Variants in STN1 observed in about 807,000 individuals in gnomAD.
STN1 encodes STN1 subunit of CST complex, also known as CST complex subunit STN1.
STN1 carries 29 observed loss-of-function variants against 45.5 expected under a neutral mutation model. That is an observed-to-expected ratio of 0.64 (90% CI 0.47 to 0.87). The LOEUF (loss-of-function observed/expected upper bound fraction) is 0.87. Ranked by LOEUF, STN1 falls within the 40% of genes least tolerant of loss-of-function variation. The probability of loss-of-function intolerance (pLI) is 0.00; values close to 1 mark genes in which losing one functional copy is unlikely to be tolerated. For synonymous variants in STN1, 148 were observed against 159.0 expected (o/e 0.93, Z 0.52); for missense variants, 376 against 441.4 (o/e 0.85, Z 1.33).
At chr10:103,903,475 G>A (rs912452307) in intron 4 of STN1, among the ~76,000 whole-genome samples, 2 of 152,186 alleles carry the variant, frequency 1.3e-5, no homozygotes, top group Non-Finnish European at 2.9e-5. Context: ...AGAAGATGGG[G>A]TCTAATGGGA....
At chr10:103,908,115 C>A (rs948380940) in intron 3 of STN1, among the ~76,000 whole-genome samples, 1 of 139,088 alleles carries the variant, frequency 7.2e-6, no homozygotes, top group East Asian at 2.0e-4. Flanking sequence ...GGCCACAGAG[C>A]GAGACTCCAT....
At position 103,917,662 on chromosome 10, in the gene STN1, T is replaced by C. The variant is rs957750897; in HGVS notation, c.-62-6A>G. On this transcript the variant is annotated splice_region_variant and splice_polypyrimidine_tract_variant and intron_variant, in intron 1 of 9. Coordinates refer to ENST00000224950, the MANE Select transcript of STN1 (RefSeq NM_024928.5). ...TGCATCACTGAGTCAAGCATCTAGA[T>C]GGGACACAGAAATGAGGATGCAATG... The C allele has an allele frequency of 1.9e-6, 3 of 1,553,522 alleles. No homozygotes were observed. The highest frequency in any genetic ancestry group is 1.8e-5 in the Admixed American group (1 of 54,636).
At chr10:103,886,651 A>G (rs1843105425) in intron 9 of STN1, among the ~76,000 whole-genome samples, 2 of 152,138 alleles carry the variant, frequency 1.3e-5, no homozygotes, top group African/African-American at 4.8e-5. Flanking sequence ...CAGGCTAGAG[A>G]ATTAGGGGTT....
Position 103,889,163 on chromosome 10 carries a change from TGA to T in STN1, c.877-21_877-20del, listed in dbSNP as rs752876716. 1.6e-5 allele frequency: 25 copies of T among 1,553,766 alleles called. No individual in the cohort carries two copies. Among genetic ancestry groups the T allele is most frequent in the Middle Eastern group, 1.7e-4 (1 of 5,942 alleles). On this transcript the variant is annotated intron_variant, in intron 8 of 9. Transcript: ENST00000224950. ...TGGTTACCTAAATAGGAAAAATAGT[TGA>T]GAGAGAGAGTGTTCTTAGGTAACAC...
rs5787502 is a variant in STN1, at chr10:103,917,258, T to TAA, written c.133+202_133+203dup. Among the ~76,000 whole-genome samples the TAA allele has an allele frequency of 8.4e-4, 76 of 90,604 alleles. 1 individual carries two copies. The highest frequency in any genetic ancestry group is 2.6e-3 in the African/African-American group (60 of 23,424). The allele number at this position is 90,604 out of a possible 152,430, so 59.4% of individuals were successfully genotyped here. A position where few individuals can be genotyped will look rare whatever the true frequency, so the allele number is the denominator to read the frequency against. ...AAAAGTTACTCCCCCAAACACCTACTAAAAAAAAAAAAAAAAAAAAAAAGA... is the reference window on the plus strand; with the variant it reads ...AAAAGTTACTCCCCCAAACACCTACTAAAAAAAAAAAAAAAAAAAAAAAAAGA... On this transcript the variant is annotated intron_variant, in intron 2 of 9. Transcript: ENST00000224950.
chr10:103,900,025 A>G (rs772823394), intron 5 of STN1, 37 bp downstream of exon 5: 1 of 1,604,438 alleles, frequency 6.2e-7, no homozygotes, highest in Non-Finnish European at 8.5e-7. Flanking sequence ...GCACATCCAG[A>G]AAAACCACCA....
At chr10:103,912,257 C>T (rs2475218) in intron 2 of STN1, among the ~76,000 whole-genome samples, 128,786 of 152,102 alleles carry the variant, frequency 0.85, 55,439 homozygotes, top group East Asian at 1. Flanking sequence ...GGGGTCTCTC[C>T]CTGTCGCCCA....
In STN1 at chr10:103,878,068, C is replaced by A. The variant is rs1008360662; in HGVS notation, c.*4616G>T. The A allele has an allele frequency of 2.0e-5, 3 of 152,218 alleles. No individual in the cohort carries two copies. The highest frequency in any genetic ancestry group is 4.4e-5 in the Non-Finnish European group (3 of 68,048). The allele number at this position is 152,218 out of a possible 1,614,324, so 9.4% of individuals were successfully genotyped here. A position where few individuals can be genotyped will look rare whatever the true frequency, so the allele number is the denominator to read the frequency against. ...GCTTCTCTTGGCCAGCATCCTGGCA[C>A]ACCATCAGAGGAGAAAATAATGAGA... On this transcript the variant is annotated 3_prime_UTR_variant, in exon 10 of 10. Transcript: ENST00000224950.
At chr10:103,892,096 A>C in intron 8 of STN1, 34 bp downstream of exon 8, 1 of 1,521,010 alleles carries the variant, frequency 6.6e-7, no homozygotes, top group East Asian at 2.3e-5. Flanking sequence ...AATTGAAGCT[A>C]CAAAGAAAAA....
intron 7 of STN1, among the ~76,000 whole-genome samples, chr10:103,894,377 A>G (rs1843157764): frequency 6.6e-6 from 1 of 152,172 alleles, no homozygotes; most frequent in Non-Finnish European, 1.5e-5. Context: ...CAGTCAGATC[A>G]AGCAGCAGGA....
At chr10:103,915,290 C>A (rs1401358095) in intron 2 of STN1, among the ~76,000 whole-genome samples, 2 of 152,216 alleles carry the variant, frequency 1.3e-5, no homozygotes, top group Non-Finnish European at 2.9e-5. Context: ...TCCAGCCCCA[C>A]TCCCTTCCCA....
chr10:103,917,679 G>T (rs1394600257), intron 1 of STN1, 23 bp from the exon 2 acceptor site: 6 of 1,479,570 alleles, frequency 4.1e-6, no homozygotes, highest in Non-Finnish European at 5.5e-6. Flanking sequence ...CAGAAATGAG[G>T]ATGCAATGCG....
At chr10:103,898,628 C>T (rs999515348) in intron 6 of STN1, among the ~76,000 whole-genome samples, 2 of 152,184 alleles carry the variant, frequency 1.3e-5, no homozygotes, top group African/African-American at 2.4e-5. Flanking sequence ...TGCCTCCACT[C>T]CTCCTTCAGT....
chr10:103,913,813 C>T (rs1305962264), intron 2 of STN1, among the ~76,000 whole-genome samples: 2 of 151,962 alleles, frequency 1.3e-5, no homozygotes, highest in Non-Finnish European at 2.9e-5. Flanking sequence ...AGCTCATGTT[C>T]CAGCCTTTCC....
chr10:103,917,213 G>A (rs552703454), intron 2 of STN1, among the ~76,000 whole-genome samples: 60 of 142,210 alleles, frequency 4.2e-4, no homozygotes, highest in Non-Finnish European at 5.9e-4. Context: ...GACCCTAAAT[G>A]GAGGTAAAAA....
intron 8 of STN1, among the ~76,000 whole-genome samples, chr10:103,891,060 C>A (rs1009087012): frequency 6.6e-6 from 1 of 152,230 alleles, no homozygotes; most frequent in Non-Finnish European, 1.5e-5. Context: ...AGCCTTCAGG[C>A]AGGCCCATCA....
rs1267888096 is a variant in STN1 at position 103,889,216 on chromosome 10, AATTAGT to A, written c.877-78_877-73del. The stretch of plus-strand genomic sequence containing the variant: ...AGCAGTTGTGTCATCCAGACTTCCA[AATTAGT>A]ATTCAGGATAGTTTCTAAAGATTAC... On this transcript the variant is annotated intron_variant, in intron 8 of 9. Transcript: ENST00000224950. The A allele has an allele frequency of 2.4e-5, 22 of 932,646 alleles. No homozygotes were observed. The African/African-American group carries it at 3.2e-4, about 14-fold the overall frequency. The allele number at this position is 932,646 out of a possible 1,614,324, so 57.8% of individuals were successfully genotyped here.
intron 3 of STN1, among the ~76,000 whole-genome samples, chr10:103,909,452 G>GTA (rs72493224): frequency 0.067 from 3,930 of 58,640 alleles, 275 homozygotes; most frequent in Non-Finnish European, 0.089. Flanking sequence ...ATGTATATAT[G>GTA]TATATATGTA....
Position 103,889,026 on chromosome 10 carries a change from C to G in STN1, c.949+46G>C, listed in dbSNP as rs774968309. On this transcript the variant is annotated intron_variant, in intron 9 of 9. Coordinates refer to ENST00000224950, the MANE Select transcript of STN1 (RefSeq NM_024928.5). ...TCCAGTGCTCCCCGGGAGACAGTAT[C>G]CCCTTCCAGGGCACCAGGGCATCAC... The G allele has an allele frequency of 2.3e-6, 3 of 1,332,118 alleles. No individual in the cohort carries two copies. The Admixed American group carries it at 5.0e-5, about 22-fold the overall frequency. The allele number at this position is 1,332,118 out of a possible 1,614,324, so 82.5% of individuals were successfully genotyped here.
Sources: allele counts gnomAD v4.1 joint callset (sites outside exome capture counted in the v4.1 genomes callset), GRCh38; gene constraint gnomAD v4.1.1; transcripts MANE v1.5; gene names NCBI Gene and HGNC (gene_info 2026-07-23, HGNC 2026-07-21).